Variants in TEKT5 observed in about 807,000 individuals in gnomAD.
The protein encoded by TEKT5 is tektin 5, also known as tektin-5.
Under a neutral mutation model 48.7 loss-of-function variants are expected in TEKT5, and 52 were observed. The observed-to-expected ratio is 1.07, with a 90% CI of 0.86 to 1.35. The LOEUF is 1.35. Ranked by LOEUF, TEKT5 falls within the 40% of genes most tolerant of loss-of-function variation. The pLI is 0.00. For synonymous variants in TEKT5, 318 were observed against 267.6 expected (o/e 1.19, Z -1.84); for missense variants, 831 against 641.6 (o/e 1.30, Z -3.19).
At chr16:10,690,536 T>C (rs1193886018) in intron 1 of TEKT5, 1 of 979,010 alleles carries the variant, frequency 1.0e-6, no homozygotes, top group Admixed American at 6.2e-5. Context: ...ACAGGTTCAT[T>C]GTGCAGGTGA....
At chr16:10,661,386 T>C (rs1292291620) in intron 5 of TEKT5, among the ~76,000 whole-genome samples, 3 of 152,248 alleles carry the variant, frequency 2.0e-5, no homozygotes, top group Admixed American at 6.5e-5. Flanking sequence ...TTGAAGAGCT[T>C]GTTAGAAACC....
At position 10,689,252 on chromosome 16, in the gene TEKT5, C is replaced by T. The variant is rs751640177; in HGVS notation, c.719+1G>A. ...GAATTAAAAAAAAAAAAAGCCCTTACCGCATCTGGATATCAATTCTTTGAG... is the reference window on the plus strand; with the variant it reads ...GAATTAAAAAAAAAAAAAGCCCTTATCGCATCTGGATATCAATTCTTTGAG... On this transcript the variant is annotated splice_donor_variant, in intron 3 of 6. Transcript: ENST00000283025. LOFTEE classifies it high-confidence loss of function. The T allele has an allele frequency of 1.9e-6, 3 of 1,602,398 alleles. No homozygotes were observed. Among genetic ancestry groups the T allele is most frequent in the Non-Finnish European group, 2.6e-6 (3 of 1,176,154 alleles).
chr16:10,667,872 AGT>A (rs201299739), intron 5 of TEKT5, among the ~76,000 whole-genome samples: 51,262 of 151,084 alleles, frequency 0.34, 9,798 homozygotes, highest in East Asian at 0.55. Context: ...GGGAAAAATA[AGT>A]TAATAATTTT....
chr16:10,648,230 C>T (rs1466129304), intron 5 of TEKT5, among the ~76,000 whole-genome samples: 4 of 152,212 alleles, frequency 2.6e-5, no homozygotes, highest in African/African-American at 7.2e-5. Flanking sequence ...AGGTCCTGCG[C>T]CAAGACTCTT....
At chr16:10,632,693 G>C (rs1177921445) in intron 6 of TEKT5, among the ~76,000 whole-genome samples, 1 of 151,992 alleles carries the variant, frequency 6.6e-6, no homozygotes, top group Non-Finnish European at 1.5e-5. Flanking sequence ...ACCACTTATA[G>C]GAGGAAAAGG....
intron 5 of TEKT5, among the ~76,000 whole-genome samples, chr16:10,647,000 T>C (rs1898079720): frequency 6.6e-6 from 1 of 152,174 alleles, no homozygotes; most frequent in African/African-American, 2.4e-5. Flanking sequence ...AATGCACCAC[T>C]TCAGCCCAGC....
intron 4 of TEKT5, among the ~76,000 whole-genome samples, chr16:10,676,804 C>T (rs193295416): frequency 3.9e-4 from 60 of 152,324 alleles, no homozygotes; most frequent in African/African-American, 1.3e-3. Flanking sequence ...CGGCAACATC[C>T]GTGTCCTCAT....
Position 10,653,572 on chromosome 16 carries a change from AC to A in TEKT5, c.1087-17655del, listed in dbSNP as rs572201796. Among the ~76,000 whole-genome samples the A allele has an allele frequency of 4.4e-3, 673 of 152,326 alleles. 7 individuals carry two copies. The highest frequency in any genetic ancestry group is 6.4e-3 in the Non-Finnish European group (437 of 68,032). On this transcript the variant is annotated intron_variant, in intron 5 of 6. Coordinates refer to ENST00000283025, the MANE Select transcript of TEKT5 (RefSeq NM_144674.2). ...CGATTGAGCCCTTTCTAGCTGCCAGACACTGTGTAGGACACTTGTTCTTTTG... is the reference window on the plus strand; with the variant it reads ...CGATTGAGCCCTTTCTAGCTGCCAGAACTGTGTAGGACACTTGTTCTTTTG...
chr16:10,669,405 G>A (rs1011084083), intron 5 of TEKT5, among the ~76,000 whole-genome samples: 4 of 152,162 alleles, frequency 2.6e-5, no homozygotes, highest in Non-Finnish European at 1.5e-5. Context: ...GTTGCAGTGA[G>A]CCGAGATCGT....
In TEKT5 at chr16:10,689,990, C is replaced by G. The variant is rs1898939517; in HGVS notation, c.600G>C (p.Arg200Ser). The G allele has an allele frequency of 6.2e-7, 1 of 1,613,996 alleles. No individual in the cohort carries two copies. Among genetic ancestry groups the G allele is most frequent in the African/African-American group, 1.3e-5 (1 of 74,898 alleles). Residue 200 changes from arginine (R) to serine (S), a missense_variant, in exon 2 of 7, where the codon AGG (arginine) becomes AGC (serine). Physicochemically the swap from Arg to Ser is moderately radical, Grantham distance 110. Transcript: ENST00000283025. ...TGTCATGGACCAAATCAATCCCAAT[C>G]CTCTTCTCTCGATGGTACAGACACT... ...ALECLYHREK[R>S]IGIDLVHDNV...
Position 10,690,010 on chromosome 16 carries a change from G to C in TEKT5, c.580C>G (p.Leu194Val), listed in dbSNP as rs1898940010. 6.2e-7 allele frequency: 1 copy of C among 1,614,060 alleles called. No homozygotes were observed. The highest frequency in any genetic ancestry group is 8.5e-7 in the Non-Finnish European group (1 of 1,180,018). ...NCPLQVALEC[L>V]YHREKRIGID... ...CCAATCCTCTTCTCTCGATGGTACA[G>C]ACACTCCAAGGCCACCTGTGGGAAG... Residue 194 changes from leucine (L) to valine (V), a missense_variant, in exon 2 of 7, where the codon CTG (leucine) becomes GTG (valine). Transcript: ENST00000283025.
chr16:10,628,232 AG>A (rs939090362), intron 6 of TEKT5, among the ~76,000 whole-genome samples: 7 of 152,242 alleles, frequency 4.6e-5, no homozygotes, highest in Non-Finnish European at 1.0e-4. Flanking sequence ...CAAGCAAGAC[AG>A]GCAAGGCTCG....
In TEKT5 at chr16:10,694,501, C is replaced by T; in HGVS notation, c.373G>A (p.Asp125Asn). The T allele has an allele frequency of 6.2e-7, 1 of 1,612,768 alleles. No individual in the cohort carries two copies. Among genetic ancestry groups the T allele is most frequent in the Non-Finnish European group, 8.5e-7 (1 of 1,179,394 alleles). The stretch of plus-strand genomic sequence containing the variant: ...ATCTGGTGCGTCAGCTGGTCCTTGT[C>T]CTGCAAGAGCCTCATGGAGTCATCC... ...LTDDSMRLLQ[D>N]KDQLTHQMQE... The change falls in exon 1 of 7, where the codon GAC becomes AAC. Residue 125 changes from aspartate (D) to asparagine (N), a missense_variant. By Grantham distance (23) the Asp-to-Asn change is conservative. Coordinates refer to ENST00000283025, the MANE Select transcript of TEKT5 (RefSeq NM_144674.2).
intron 5 of TEKT5, among the ~76,000 whole-genome samples, chr16:10,663,505 T>C (rs1898408306): frequency 6.6e-6 from 1 of 152,146 alleles, no homozygotes; most frequent in Non-Finnish European, 1.5e-5. Context: ...TTGAAATCCT[T>C]TTCTGGTCAA....
chr16:10,644,109 CTT>C (rs1354322291), intron 5 of TEKT5, among the ~76,000 whole-genome samples: 1 of 152,182 alleles, frequency 6.6e-6, no homozygotes, highest in African/African-American at 2.4e-5. Flanking sequence ...CTACTAGACA[CTT>C]TAAAGTTACA....
At chr16:10,680,648 G>A (rs1276142824) in intron 4 of TEKT5, among the ~76,000 whole-genome samples, 1 of 151,642 alleles carries the variant, frequency 6.6e-6, no homozygotes, top group South Asian at 2.1e-4. Context: ...AGAAAATGTG[G>A]CACATATACA....
chr16:10,656,409 A>G (rs899042687), intron 5 of TEKT5, among the ~76,000 whole-genome samples: 26 of 151,888 alleles, frequency 1.7e-4, no homozygotes, highest in Admixed American at 3.9e-4. Flanking sequence ...GTGCCACCAC[A>G]CCCAGCTAAT....
chr16:10,627,606 G>T lies in TEKT5; in HGVS notation c.1435C>A (p.Pro479Thr), dbSNP rs1296966871. ...GCTCAGGTGTGGCCCACCAGGCGCG[G>T]GGTGCAGGGGAAGGTCTTACGCATG... is the stretch of plus-strand genomic sequence containing the variant. Reference protein sequence around the residue: ...MGMRKTFPCTPRLVGHT With the variant: ...MGMRKTFPCTTRLVGHT The change falls in exon 7 of 7, where the codon CCG becomes ACG. Residue 479 changes from proline (P) to threonine (T), a missense_variant. Physicochemically the swap from Pro to Thr is conservative, Grantham distance 38. Coordinates refer to ENST00000283025, the MANE Select transcript of TEKT5 (RefSeq NM_144674.2). 15 of 1,614,052 alleles carry T rather than the reference G, an allele frequency of 9.3e-6. No individual in the cohort carries two copies. Among genetic ancestry groups the T allele is most frequent in the Admixed American group, 6.7e-5 (4 of 60,008 alleles).
At chr16:10,639,352 A>G (rs1357548112) in intron 5 of TEKT5, among the ~76,000 whole-genome samples, 2 of 152,172 alleles carry the variant, frequency 1.3e-5, no homozygotes, top group African/African-American at 2.4e-5. Context: ...GTACATTCCA[A>G]TATATTCTCC....
Sources: allele counts gnomAD v4.1 joint callset (sites outside exome capture counted in the v4.1 genomes callset), GRCh38; gene constraint gnomAD v4.1.1; transcripts MANE v1.5; gene names NCBI Gene and HGNC (gene_info 2026-07-23, HGNC 2026-07-21).